The following STPG2 variants were observed in gnomAD, a reference collection of about 807,000 sequenced individuals.
The protein encoded by STPG2 is sperm tail PG-rich repeat containing 2, also known as sperm-tail PG-rich repeat-containing protein 2.
Under a neutral mutation model 54.2 loss-of-function variants are expected in STPG2, and 56 were observed. The ratio of observed to expected loss-of-function variants is 1.03; its 90% CI spans 0.83 to 1.29. The LOEUF is 1.29. Among genes scored for constraint, STPG2 ranks in the 50% most tolerant of loss-of-function variants. The pLI, the probability that STPG2 is intolerant of heterozygous loss-of-function variation, is 0.00. For missense variants in STPG2, 596 were observed against 544.9 expected (o/e 1.09, Z -0.93); for synonymous variants, 200 against 181.8 (o/e 1.10, Z -0.81).
intron 5 of STPG2, among the ~76,000 whole-genome samples, chr4:98,105,639 T>C (rs13119995): frequency 0.4 from 60,098 of 151,828 alleles, 12,121 homozygotes; most frequent in Middle Eastern, 0.45. Context: ...CAGTAAATGG[T>C]AATAATGTAG....
At chr4:97,910,402 C>T (rs763995794) in intron 8 of STPG2, among the ~76,000 whole-genome samples, 22 of 152,138 alleles carry the variant, frequency 1.4e-4, no homozygotes, top group Non-Finnish European at 2.6e-4. Flanking sequence ...ATAGGTGAAA[C>T]TAAAATCAAT....
chr4:98,140,831 A>C (rs1310692284), intron 1 of STPG2, among the ~76,000 whole-genome samples: 1 of 152,232 alleles, frequency 6.6e-6, no homozygotes, highest in East Asian at 1.9e-4. Flanking sequence ...TAAAAAGAAG[A>C]GAAAAACAAA....
Position 97,988,026 on chromosome 4 carries a change from TCACACA to T in STPG2, c.613-6714_613-6709del, listed in dbSNP as rs3047311. Among the ~76,000 whole-genome samples the T allele has an allele frequency of 2.8e-3, 395 of 141,674 alleles. 1 individual carries two copies. Among genetic ancestry groups the T allele is most frequent in the African/African-American group, 7.5e-3 (284 of 37,976 alleles). The allele number at this position is 141,674 out of a possible 152,430, so 92.9% of individuals were successfully genotyped here. ...TCAAATCCTTAATATGGTCTGAATG[TCACACA>T]CACACACACACACACACACACACAC... is the stretch of plus-strand genomic sequence containing the variant. On this transcript the variant is annotated intron_variant, in intron 5 of 10. Coordinates refer to ENST00000295268, the MANE Select transcript of STPG2 (RefSeq NM_174952.3).
chr4:97,671,260 A>G (rs1722686588), intron 10 of STPG2, among the ~76,000 whole-genome samples: 1 of 152,224 alleles, frequency 6.6e-6, no homozygotes, highest in Non-Finnish European at 1.5e-5. Flanking sequence ...CTCCTAGTTC[A>G]TGTCATATAT....
chr4:97,685,533 T>C (rs2148983261), intron 10 of STPG2, among the ~76,000 whole-genome samples: 1 of 152,116 alleles, frequency 6.6e-6, no homozygotes, highest in Non-Finnish European at 1.5e-5. Flanking sequence ...GATTGCCAAG[T>C]GGTCAGAGGA....
At chr4:97,842,350 C>G (rs1321028123) in intron 8 of STPG2, among the ~76,000 whole-genome samples, 3 of 151,758 alleles carry the variant, frequency 2.0e-5, no homozygotes, top group African/African-American at 7.2e-5. Context: ...GCAACAGAGG[C>G]AATATTTCCA....
chr4:97,566,553 G>A (rs911679018), intron 10 of STPG2, among the ~76,000 whole-genome samples: 47 of 152,268 alleles, frequency 3.1e-4, no homozygotes, highest in African/African-American at 1.1e-3. Context: ...GCTGTAGACT[G>A]GCGCTGTTCC....
At chr4:97,717,346 A>C (rs1286879474) in intron 9 of STPG2, among the ~76,000 whole-genome samples, 1 of 152,222 alleles carries the variant, frequency 6.6e-6, no homozygotes, top group African/African-American at 2.4e-5. Flanking sequence ...GAGTATCTGG[A>C]AGTTATTGTG....
At chr4:98,018,346 CTCA>C (rs985654360) in intron 5 of STPG2, among the ~76,000 whole-genome samples, 1 of 152,148 alleles carries the variant, frequency 6.6e-6, no homozygotes, top group African/African-American at 2.4e-5. Flanking sequence ...AGGACATGAA[CTCA>C]TCATTTTTTA....
intron 10 of STPG2, among the ~76,000 whole-genome samples, chr4:97,583,584 T>G (rs1732918296): frequency 6.6e-6 from 1 of 151,610 alleles, no homozygotes; most frequent in African/African-American, 2.4e-5. Context: ...CAATGGGCCA[T>G]TTAGGACTAT....
chr4:98,088,558 T>C (rs1738594720), intron 5 of STPG2, among the ~76,000 whole-genome samples: 2 of 151,822 alleles, frequency 1.3e-5, no homozygotes, highest in Admixed American at 1.3e-4. Flanking sequence ...ATTATTAAGT[T>C]ATTTAAAATC....
intron 9 of STPG2, among the ~76,000 whole-genome samples, chr4:97,751,743 T>G (rs1032958981): frequency 1.3e-5 from 2 of 151,720 alleles, no homozygotes; most frequent in African/African-American, 4.8e-5. Flanking sequence ...GAGTCAGATA[T>G]GCTCAGTAAA....
intron 9 of STPG2, among the ~76,000 whole-genome samples, chr4:97,725,541 C>T (rs1351442339): frequency 6.6e-6 from 1 of 151,708 alleles, no homozygotes; most frequent in East Asian, 1.9e-4. Context: ...GAACAATGTA[C>T]TCCAGGAGCA....
chr4:97,967,698 A>G (rs191974845), intron 7 of STPG2, among the ~76,000 whole-genome samples: 2 of 152,240 alleles, frequency 1.3e-5, no homozygotes, highest in African/African-American at 4.8e-5. Flanking sequence ...ACTCAGGATT[A>G]AGAAACTCAC....
intron 5 of STPG2, among the ~76,000 whole-genome samples, chr4:98,075,580 C>T (rs888966717): frequency 6.6e-6 from 1 of 152,144 alleles, no homozygotes; most frequent in Non-Finnish European, 1.5e-5. Flanking sequence ...CCTTTATTTG[C>T]TTCTGCTGCA....
intron 4 of STPG2, among the ~76,000 whole-genome samples, chr4:97,491,704 G>T (rs1352504133): frequency 6.6e-6 from 1 of 151,526 alleles, no homozygotes; most frequent in East Asian, 1.9e-4. Flanking sequence ...CTAAAGAGTG[G>T]TGCAAGTGTA....
Position 97,633,147 on chromosome 4 carries a change from T to G in STPG2, c.1321-74030A>C, listed in dbSNP as rs980449843. ...GTTTTAGTTTCTCTGCCATTTACATTCTTATAATAATATAATAATTGAATT... is the reference window on the plus strand; with the variant it reads ...GTTTTAGTTTCTCTGCCATTTACATGCTTATAATAATATAATAATTGAATT... On this transcript the variant is annotated intron_variant, in intron 10 of 10. Coordinates refer to ENST00000295268, the MANE Select transcript of STPG2 (RefSeq NM_174952.3). Among the ~76,000 whole-genome samples the G allele has an allele frequency of 2.0e-5, 3 of 152,158 alleles. No homozygotes were observed. In the South Asian group the frequency reaches 6.2e-4, roughly 32 times the overall value.
intron 9 of STPG2, among the ~76,000 whole-genome samples, chr4:97,746,799 A>G (rs949284207): frequency 1.3e-5 from 2 of 151,290 alleles, no homozygotes; most frequent in Admixed American, 1.3e-4. Context: ...AAAGTATCCC[A>G]GAAATAATCA....
intron 5 of STPG2, among the ~76,000 whole-genome samples, chr4:98,101,719 A>G (rs1325189085): frequency 6.6e-6 from 1 of 152,164 alleles, no homozygotes; most frequent in Non-Finnish European, 1.5e-5. Context: ...TCAGCTACCT[A>G]TAGACAGAAA....
Sources: allele counts gnomAD v4.1 joint callset (sites outside exome capture counted in the v4.1 genomes callset), GRCh38; gene constraint gnomAD v4.1.1; transcripts MANE v1.5; gene names NCBI Gene and HGNC (gene_info 2026-07-23, HGNC 2026-07-21).